Variants in NPIPB2 observed in about 807,000 individuals in gnomAD.
The protein encoded by NPIPB2 is nuclear pore complex-interacting protein family member B2.
NPIPB2 carries 27 observed loss-of-function variants against 30.8 expected under a neutral mutation model. The observed-to-expected ratio is 0.88, with a 90% CI of 0.65 to 1.21. The LOEUF is 1.21. Ranked by LOEUF, NPIPB2 falls within the 50% of genes most tolerant of loss-of-function variation. The probability of loss-of-function intolerance (pLI) is 0.00; values close to 1 mark genes in which losing one functional copy is unlikely to be tolerated. For missense variants in NPIPB2, 440 were observed against 446.2 expected (o/e 0.99, Z 0.13); for synonymous variants, 147 against 162.0 (o/e 0.91, Z 0.70).
intron 1 of NPIPB2, among the ~76,000 whole-genome samples, chr16:11,937,973 A>G (rs1388904831): frequency 6.6e-6 from 1 of 152,220 alleles, no homozygotes. Context: ...TGAGCCACAC[A>G]TAACATACAC....
chr16:11,972,176 A>T (rs534016402), intron 1 of NPIPB2, among the ~76,000 whole-genome samples: 2 of 152,064 alleles, frequency 1.3e-5, no homozygotes, highest in Non-Finnish European at 2.9e-5. Context: ...CAACAAAAAA[A>T]TTTCTGTGTT....
At position 11,971,950 on chromosome 16, in the gene NPIPB2, G is replaced by A. The variant is rs189934236; in HGVS notation, c.-584+4618C>T. On this transcript the variant is annotated intron_variant, in intron 1 of 5. Coordinates refer to the NPIPB2 transcript ENST00000538896. ...TCACGAGGTCAGGAGTTTGAGACCA[G>A]CATCGCCAACATAGTGAAACCCCAT... Among the ~76,000 whole-genome samples, 223 of 151,646 alleles carry A rather than the reference G, an allele frequency of 1.5e-3. 1 individual carries two copies. The highest frequency in any genetic ancestry group is 5.2e-3 in the African/African-American group (215 of 41,400).
At chr16:11,963,335 G>A (rs553783890) in intron 1 of NPIPB2, among the ~76,000 whole-genome samples, 7 of 150,212 alleles carry the variant, frequency 4.7e-5, no homozygotes, top group African/African-American at 1.7e-4. Context: ...AGCCGAGATC[G>A]CGCCATTGCA....
intron 1 of NPIPB2, chr16:11,968,024 G>A: frequency 1.5e-6 from 1 of 659,348 alleles, no homozygotes; most frequent in Non-Finnish European, 2.4e-6. Context: ...GAGCTTAATG[G>A]TAGAAACTTC....
chr16:11,962,991 C>A (rs138438152), intron 1 of NPIPB2, among the ~76,000 whole-genome samples: 1 of 152,006 alleles, frequency 6.6e-6, no homozygotes, highest in Non-Finnish European at 1.5e-5. Flanking sequence ...CACTTGAACC[C>A]GGGAGGCAGA....
chr16:11,927,887 G>T lies in NPIPB2; in HGVS notation c.688-8C>A. 1 of 997,726 alleles carries T rather than the reference G, an allele frequency of 1.0e-6. No homozygotes were observed. The highest frequency in any genetic ancestry group is 1.4e-6 in the Non-Finnish European group (1 of 700,170). 61.8% of individuals were successfully genotyped at this position (997,726 alleles called of 1,614,324 possible). The stretch of plus-strand genomic sequence containing the variant: ...CGCTGCCGCCATTCTGACCTGTAGG[G>T]CCAAAGGAGGGAATGTTTTCACACA... On this transcript the variant is annotated splice_region_variant and splice_polypyrimidine_tract_variant and intron_variant, in intron 7 of 7. Coordinates refer to ENST00000399147, the Ensembl canonical transcript of NPIPB2.
chr16:11,949,936 GC>G (rs1453760609), intron 1 of NPIPB2, among the ~76,000 whole-genome samples: 1 of 152,148 alleles, frequency 6.6e-6, no homozygotes, highest in Admixed American at 6.6e-5. Flanking sequence ...CAACACTTGT[GC>G]CCCCGACTTA....
At chr16:11,951,666 A>ACCCCCC (rs376438093) in intron 1 of NPIPB2, among the ~76,000 whole-genome samples, 2 of 138,874 alleles carry the variant, frequency 1.4e-5, no homozygotes, top group South Asian at 2.6e-4. Context: ...ACACACACAC[A>ACCCCCC]CCCAGCCCCC....
chr16:11,941,711 G>C (rs2054943686), intron 1 of NPIPB2: 1 of 727,318 alleles, frequency 1.4e-6, no homozygotes, highest in South Asian at 1.5e-5. Flanking sequence ...CCCCGGTGGT[G>C]CCTCACAATG....
At chr16:11,958,393 A>G (rs1435980585) in intron 1 of NPIPB2, among the ~76,000 whole-genome samples, 1 of 151,390 alleles carries the variant, frequency 6.6e-6, no homozygotes, top group African/African-American at 2.4e-5. Context: ...ACGCCACTAC[A>G]GTCCAGCCTG....
intron 1 of NPIPB2, among the ~76,000 whole-genome samples, chr16:11,948,128 G>T (rs1167201592): frequency 1.3e-5 from 2 of 151,510 alleles, no homozygotes; most frequent in Non-Finnish European, 2.9e-5. Context: ...CTAAAACATG[G>T]CTTTCCTGCA....
intron 1 of NPIPB2, among the ~76,000 whole-genome samples, chr16:11,947,218 T>C (rs1354931009): frequency 1.4e-5 from 2 of 147,210 alleles, no homozygotes; most frequent in Non-Finnish European, 3.0e-5. Flanking sequence ...CCTCCCAAAC[T>C]GCTGGAAGGT....
intron 4 of NPIPB2, 69 bp downstream of exon 4, chr16:11,933,448 A>G (rs1418112636): frequency 5.0e-6 from 8 of 1,587,798 alleles, no homozygotes; most frequent in Non-Finnish European, 6.8e-6. Flanking sequence ...ATTCTCAAGG[A>G]CTTTACAGTT....
Position 11,934,626 on chromosome 16 carries a change from T to C in NPIPB2, c.193-702A>G, listed in dbSNP as rs569820389. ...CTGTAATCCCAGCACTTTGGGAGGCTGAGGTGGGTGAATCACAAGGTCAAG... is the reference window on the plus strand; with the variant it reads ...CTGTAATCCCAGCACTTTGGGAGGCCGAGGTGGGTGAATCACAAGGTCAAG... On this transcript the variant is annotated intron_variant, in intron 2 of 7. Coordinates refer to ENST00000399147, the Ensembl canonical transcript of NPIPB2. Among the ~76,000 whole-genome samples, 30 of 151,044 alleles carry C rather than the reference T, an allele frequency of 2.0e-4. 1 individual carries two copies. In the East Asian group the frequency reaches 5.7e-3, roughly 29 times the overall value.
intron 1 of NPIPB2, among the ~76,000 whole-genome samples, chr16:11,964,666 C>T (rs1336386318): frequency 2.6e-5 from 4 of 152,170 alleles, no homozygotes; most frequent in African/African-American, 7.2e-5. Flanking sequence ...CCACCTGCCT[C>T]GGCCTCCCAA....
chr16:11,951,440 G>A (rs397181), intron 1 of NPIPB2, among the ~76,000 whole-genome samples: 5,437 of 126,774 alleles, frequency 0.043, 155 homozygotes, highest in Middle Eastern at 0.13. Flanking sequence ...CTCCAGCCTG[G>A]GCGACAGACA....
At chr16:11,960,255 A>G (rs2055143667) in intron 1 of NPIPB2, among the ~76,000 whole-genome samples, 2 of 151,922 alleles carry the variant, frequency 1.3e-5, no homozygotes, top group Non-Finnish European at 2.9e-5. Flanking sequence ...GATTTTAAGT[A>G]CCTGAGCAAG....
intron 2 of NPIPB2, among the ~76,000 whole-genome samples, chr16:11,936,042 C>T (rs927704757): frequency 1.7e-4 from 26 of 149,412 alleles, no homozygotes; most frequent in African/African-American, 5.7e-4. Flanking sequence ...TGGTGGCTCA[C>T]GCTTGTAATC....
Position 11,951,357 on chromosome 16 carries a change from G to C in NPIPB2, c.-583-9243C>G, listed in dbSNP as rs1331516153. ...CGGGCACCTGTAGTCCCAGCTACTC[G>C]GGAGGCTGAGGCAGGAGAATGGCGT... On this transcript the variant is annotated intron_variant, in intron 1 of 5. Coordinates refer to the NPIPB2 transcript ENST00000538896. 2.7e-5 allele frequency among the ~76,000 whole-genome samples: 4 copies of C among 149,454 alleles called. No homozygotes were observed. In the South Asian group the frequency reaches 8.5e-4, roughly 32 times the overall value.
Sources: gnomAD v4.1 joint callset for allele counts (sites outside exome capture counted in the v4.1 genomes callset) on GRCh38, gnomAD v4.1.1 for gene constraint, MANE v1.5 for transcripts, NCBI Gene and HGNC (gene_info 2026-07-23, HGNC 2026-07-21) for gene names.